The following PUS10 variants were observed in gnomAD, a reference collection of about 807,000 sequenced individuals.
PUS10 encodes pseudouridine synthase 10, also known as tRNA pseudouridine synthase Pus10.
In PUS10, 59 loss-of-function variants were observed where a neutral mutation model predicts 75.0. That is an observed-to-expected ratio of 0.79 (90% CI 0.64 to 0.98). The LOEUF is 0.98. Ranked by LOEUF, PUS10 falls within the 50% of genes least tolerant of loss-of-function variation. PUS10 has a pLI of 0.00. For missense variants in PUS10, 650 were observed against 614.4 expected, an observed-to-expected ratio of 1.06 and a Z score of -0.61; for synonymous variants, 219 against 211.6, an observed-to-expected ratio of 1.03 and a Z score of -0.30.
intron 15 of PUS10, among the ~76,000 whole-genome samples, chr2:60,949,428 C>A (rs776856093): frequency 1.3e-5 from 2 of 152,158 alleles, no homozygotes; most frequent in Non-Finnish European, 2.9e-5. Context: ...GGAAATACCA[C>A]GAGCCACATG....
chr2:60,967,408 AAG>A, intron 6 of PUS10, 92 bp downstream of exon 6: 1 of 782,048 alleles, frequency 1.3e-6, no homozygotes, highest in Non-Finnish European at 2.1e-6. Flanking sequence ...ATTATTTAAA[AAG>A]AAGTTTTTTT....
rs969675571 is a variant in PUS10, at chr2:61,018,124, C to A, written c.-132G>T. On this transcript the variant is annotated 5_prime_UTR_variant, in exon 1 of 18. Coordinates refer to ENST00000316752, the MANE Select transcript of PUS10 (RefSeq NM_144709.4). Reference sequence around the variant, plus strand: ...TCTCTGTGCTTGAAAGAAAGGGGGGCGGCTTCCTACCTACCGCTTCTGTTT... The same window carrying A: ...TCTCTGTGCTTGAAAGAAAGGGGGGAGGCTTCCTACCTACCGCTTCTGTTT... The A allele has an allele frequency of 5.8e-6, 9 of 1,547,404 alleles. No homozygotes were observed. Among genetic ancestry groups the A allele is most frequent in the Non-Finnish European group, 7.0e-6 (8 of 1,145,472 alleles).
At chr2:60,978,927 A>G (rs1677208209) in intron 4 of PUS10, among the ~76,000 whole-genome samples, 1 of 152,212 alleles carries the variant, frequency 6.6e-6, no homozygotes, top group African/African-American at 2.4e-5. Context: ...TTTCTAAATC[A>G]CCACCAATGC....
At chr2:61,011,522 C>G (rs1679595094) in intron 2 of PUS10, among the ~76,000 whole-genome samples, 1 of 152,024 alleles carries the variant, frequency 6.6e-6, no homozygotes, top group Non-Finnish European at 1.5e-5. Flanking sequence ...TCAAATGCAC[C>G]AGGGAGTTCC....
At chr2:61,008,021 G>A (rs1679348071) in intron 3 of PUS10, among the ~76,000 whole-genome samples, 1 of 151,720 alleles carries the variant, frequency 6.6e-6, no homozygotes, top group South Asian at 2.1e-4. Flanking sequence ...AGCTTACAGT[G>A]AGCAGAGATT....
chr2:60,966,345 A>G (rs1421584579), intron 6 of PUS10: 1 of 152,248 alleles, frequency 6.6e-6, no homozygotes, highest in African/African-American at 2.4e-5. Context: ...TAAAAATGCC[A>G]TACTATGTTG....
chr2:60,960,651 T>C, intron 10 of PUS10, 134 bp from the exon 11 acceptor site: 1 of 690,550 alleles, frequency 1.4e-6, no homozygotes, highest in Non-Finnish European at 2.2e-6. Context: ...TTTACCTAAC[T>C]AACAATCCAA....
intron 1 of PUS10, chr2:61,017,740 GC>G: frequency 6.5e-7 from 1 of 1,546,038 alleles, no homozygotes; most frequent in Non-Finnish European, 8.7e-7. Flanking sequence ...AGGAGCGGGA[GC>G]CGAGAGGAGG....
At chr2:61,011,258 C>G (rs1383765133) in intron 2 of PUS10, among the ~76,000 whole-genome samples, 5 of 152,030 alleles carry the variant, frequency 3.3e-5, no homozygotes, top group Non-Finnish European at 7.4e-5. Flanking sequence ...CCATAAATGT[C>G]AAAGATCTCT....
intron 4 of PUS10, among the ~76,000 whole-genome samples, chr2:60,991,816 A>C (rs908496126): frequency 5.3e-4 from 81 of 152,224 alleles, no homozygotes; most frequent in Non-Finnish European, 1.9e-4. Flanking sequence ...TAGCCAATGC[A>C]ACAAAGCAAG....
At position 60,961,498 on chromosome 2, in the gene PUS10, T is replaced by G. The variant is rs188957240; in HGVS notation, c.839A>C (p.Glu280Ala). 1 of 1,614,152 alleles carries G rather than the reference T, an allele frequency of 6.2e-7. No homozygotes were observed. Among genetic ancestry groups the G allele is most frequent in the African/African-American group, 1.3e-5 (1 of 75,050 alleles). ...AACAGCACCATGAGCACATTCAATTTCAAGAACAGCGCATACAGCCTTTGG... is the reference window on the plus strand; with the variant it reads ...AACAGCACCATGAGCACATTCAATTGCAAGAACAGCGCATACAGCCTTTGG... ...NSPKAVCAVL[E>A]IECAHGAVFV... The change falls in exon 10 of 18, where the codon GAA becomes GCA. Residue 280 changes from glutamate (E) to alanine (A), a missense_variant. Physicochemically the swap from Glu to Ala is moderately radical, Grantham distance 107. Coordinates refer to ENST00000316752, the MANE Select transcript of PUS10 (RefSeq NM_144709.4).
At chr2:61,017,702 G>T in intron 1 of PUS10, 2 of 1,398,608 alleles carry the variant, frequency 1.4e-6, no homozygotes, top group South Asian at 1.2e-5. Context: ...CCAGGTGCTG[G>T]TCTACGCGGG....
chr2:60,998,736 C>T (rs1347355932), intron 4 of PUS10: 1 of 151,714 alleles, frequency 6.6e-6, no homozygotes, highest in Non-Finnish European at 1.5e-5. Context: ...AATGCTGCTA[C>T]AGAAATTGTA....
intron 4 of PUS10, among the ~76,000 whole-genome samples, chr2:61,003,757 G>A (rs189734496): frequency 6.6e-6 from 1 of 151,994 alleles, no homozygotes; most frequent in Non-Finnish European, 1.5e-5. Flanking sequence ...TGTTGCCCAG[G>A]CTGGTCTTGA....
chr2:60,968,000 C>G (rs1158716718), intron 5 of PUS10, among the ~76,000 whole-genome samples: 1 of 152,126 alleles, frequency 6.6e-6, no homozygotes, highest in East Asian at 1.9e-4. Context: ...ATAATCACAT[C>G]CACATTTTAA....
chr2:60,941,337 A>G lies in PUS10; in HGVS notation c.*1058T>C, dbSNP rs1209851443. 1 of 152,276 alleles carries G rather than the reference A, an allele frequency of 6.6e-6. No homozygotes were observed. The highest frequency in any genetic ancestry group is 1.5e-5 in the Non-Finnish European group (1 of 67,994). The allele number at this position is 152,276 out of a possible 1,614,324, so 9.4% of individuals were successfully genotyped here. On this transcript the variant is annotated 3_prime_UTR_variant, in exon 18 of 18. Transcript: ENST00000316752. ...ATTCCAAAAGTTAATTATCAGTTAC[A>G]TGAGTTTAAATGGCATCCATAGCTG...
intron 4 of PUS10, among the ~76,000 whole-genome samples, chr2:60,979,147 A>G (rs981940000): frequency 2.8e-5 from 4 of 144,216 alleles, no homozygotes; most frequent in Non-Finnish European, 4.6e-5. Flanking sequence ...ATACACATAC[A>G]CATACACATA....
intron 4 of PUS10, among the ~76,000 whole-genome samples, chr2:60,984,099 T>C (rs1305657469): frequency 2.0e-5 from 3 of 152,038 alleles, no homozygotes; most frequent in African/African-American, 7.2e-5. Flanking sequence ...TCAAAACAAA[T>C]ATTGAAAAAG....
At position 60,948,063 on chromosome 2, in the gene PUS10, G is replaced by A. The variant is rs757408535; in HGVS notation, c.1431C>T (p.His477=). 6.2e-7 allele frequency: 1 copy of A among 1,614,126 alleles called. No individual in the cohort carries two copies. The highest frequency in any genetic ancestry group is 8.5e-7 in the Non-Finnish European group (1 of 1,180,002). ...QYVDEHHFRL[H]LKTQAGTYIK... The stretch of plus-strand genomic sequence containing the variant: ...GATACGTGCCAGCCTGAGTTTTCAA[G>A]TGGAGGCGGAAGTGGTGCTCATCCA... The change falls in exon 16 of 18, where the codon CAC becomes CAT. Residue 477 remains histidine (H), a synonymous_variant. Transcript: ENST00000316752.
Sources: allele counts gnomAD v4.1 joint callset (sites outside exome capture counted in the v4.1 genomes callset), GRCh38; gene constraint gnomAD v4.1.1; transcripts MANE v1.5; gene names NCBI Gene and HGNC (gene_info 2026-07-23, HGNC 2026-07-21).